The following PLEKHA7 variants were observed in gnomAD, a reference collection of about 807,000 sequenced individuals.
PLEKHA7 encodes pleckstrin homology domain containing A7, also known as pleckstrin homology domain-containing family A member 7.
In PLEKHA7, 104 loss-of-function variants were observed where a neutral mutation model predicts 170.0. The ratio of observed to expected loss-of-function variants is 0.61; its 90% CI spans 0.52 to 0.72. PLEKHA7 has a LOEUF of 0.72. PLEKHA7 is among the 30% of genes least tolerant of loss of function. The pLI is 0.00. For missense variants in PLEKHA7, 1,615 were observed against 1,671.7 expected (o/e 0.97, Z 0.59); for synonymous variants, 648 against 660.8 (o/e 0.98, Z 0.30).
intron 3 of PLEKHA7, among the ~76,000 whole-genome samples, chr11:16,905,568 T>C (rs1857604606): frequency 6.6e-6 from 1 of 152,186 alleles, no homozygotes; most frequent in African/African-American, 2.4e-5. Context: ...AATGAGGCCC[T>C]CTGGGGTGGA....
At chr11:16,830,627 G>A (rs920145913) in intron 9 of PLEKHA7, among the ~76,000 whole-genome samples, 1 of 152,216 alleles carries the variant, frequency 6.6e-6, no homozygotes, top group African/African-American at 2.4e-5. Flanking sequence ...CCCAAAGATT[G>A]TGGGCACAAT....
At position 16,777,836 on chromosome 11, in the gene PLEKHA7, G is replaced by T. The variant is rs964116367; in HGVS notation, c.*1162C>A. 2 of 152,260 alleles carry T rather than the reference G, an allele frequency of 1.3e-5. No individual in the cohort carries two copies. The highest frequency in any genetic ancestry group is 4.8e-5 in the African/African-American group (2 of 41,454). The allele number at this position is 152,260 out of a possible 1,614,324, so 9.4% of individuals were successfully genotyped here. Reference sequence around the variant, plus strand: ...GAAGCCAATCCGGGGTTCTCCAAGGGCAGGCAGCAAAGGTTCCCATCATGG... The same window carrying T: ...GAAGCCAATCCGGGGTTCTCCAAGGTCAGGCAGCAAAGGTTCCCATCATGG... On this transcript the variant is annotated 3_prime_UTR_variant, in exon 27 of 27. Coordinates refer to ENST00000531066, the MANE Select transcript of PLEKHA7 (RefSeq NM_001329630.2).
intron 13 of PLEKHA7, among the ~76,000 whole-genome samples, chr11:16,805,789 C>CAAAAAAAAAAAAAAAAACAAAAAA (rs1848932799): frequency 9.0e-6 from 1 of 111,222 alleles, no homozygotes; most frequent in Non-Finnish European, 1.9e-5. Context: ...GACTCCATGT[C>CAAAAAAAAAAAAAAAAACAAAAAA]AAAAAAAAAA....
intron 9 of PLEKHA7, among the ~76,000 whole-genome samples, chr11:16,827,673 C>T (rs948249623): frequency 6.6e-6 from 1 of 152,134 alleles, no homozygotes; most frequent in African/African-American, 2.4e-5. Flanking sequence ...GCATCCTGAT[C>T]ACCTGGCACC....
intron 3 of PLEKHA7, among the ~76,000 whole-genome samples, chr11:16,988,550 G>A (rs1159921609): frequency 4.6e-5 from 7 of 152,084 alleles, no homozygotes; most frequent in African/African-American, 1.7e-4. Context: ...GGGTTCAAGC[G>A]ATTCTCCTGC....
At chr11:17,006,302 TG>T (rs1485617961) in intron 3 of PLEKHA7, among the ~76,000 whole-genome samples, 1 of 145,036 alleles carries the variant, frequency 6.9e-6, no homozygotes, top group African/African-American at 2.6e-5. Flanking sequence ...CACTCCAGCC[TG>T]GGCAACAAGA....
intron 9 of PLEKHA7, among the ~76,000 whole-genome samples, chr11:16,835,655 A>G (rs1352637367): frequency 6.6e-6 from 1 of 152,214 alleles, no homozygotes; most frequent in Non-Finnish European, 1.5e-5. Context: ...CCTTGTAGCA[A>G]GCCTATGAAC....
chr11:16,798,017 C>T (rs1215065678), intron 17 of PLEKHA7, among the ~76,000 whole-genome samples: 1 of 152,214 alleles, frequency 6.6e-6, no homozygotes, highest in Non-Finnish European at 1.5e-5. Flanking sequence ...TTCATTCCTG[C>T]CTCCTCCCAC....
chr11:16,954,963 T>C (rs1372093071), intron 3 of PLEKHA7, among the ~76,000 whole-genome samples: 1 of 152,216 alleles, frequency 6.6e-6, no homozygotes, highest in Non-Finnish European at 1.5e-5. Context: ...GTGCTGGGAT[T>C]ACAGGCATGA....
intron 3 of PLEKHA7, among the ~76,000 whole-genome samples, chr11:16,948,215 T>C (rs1179380254): frequency 6.6e-6 from 1 of 152,138 alleles, no homozygotes; most frequent in African/African-American, 2.4e-5. Flanking sequence ...GGTTACATAA[T>C]TTTAGTTAGG....
intron 3 of PLEKHA7, chr11:17,013,449 G>C (rs917998559): frequency 6.5e-6 from 1 of 153,188 alleles, no homozygotes; most frequent in African/African-American, 2.4e-5. Context: ...CCTCCCCGCA[G>C]GCCCGCGCAG....
At chr11:16,981,541 C>CT (rs1863427466) in intron 3 of PLEKHA7, among the ~76,000 whole-genome samples, 1 of 152,140 alleles carries the variant, frequency 6.6e-6, no homozygotes, top group South Asian at 2.1e-4. Flanking sequence ...CCTACCCTCT[C>CT]CCTTTCTCTC....
intron 4 of PLEKHA7, among the ~76,000 whole-genome samples, chr11:16,861,253 A>AT (rs1184447981): frequency 2.6e-5 from 4 of 152,102 alleles, no homozygotes; most frequent in African/African-American, 9.7e-5. Context: ...GGCTAGGAAC[A>AT]GAGGCTCCAT....
At chr11:16,826,000 T>C (rs1850607125) in intron 10 of PLEKHA7, 120 bp downstream of exon 10, 3 of 1,002,102 alleles carry the variant, frequency 3.0e-6, no homozygotes, top group Non-Finnish European at 3.0e-6. Context: ...GGGATTTACG[T>C]AGGTAATGGC....
At chr11:16,837,853 G>T (rs772505284) in intron 9 of PLEKHA7, among the ~76,000 whole-genome samples, 26 of 152,072 alleles carry the variant, frequency 1.7e-4, no homozygotes, top group Non-Finnish European at 3.5e-4. Flanking sequence ...GAAAGTCCAC[G>T]ATGGGGAGGA....
chr11:16,853,371 T>C (rs989189143), intron 6 of PLEKHA7, among the ~76,000 whole-genome samples: 1 of 152,250 alleles, frequency 6.6e-6, no homozygotes, highest in Non-Finnish European at 1.5e-5. Flanking sequence ...ACTATTTATC[T>C]GTTTCATCTT....
At chr11:17,003,353 C>A (rs1403146255) in intron 3 of PLEKHA7, among the ~76,000 whole-genome samples, 1 of 152,148 alleles carries the variant, frequency 6.6e-6, no homozygotes, top group African/African-American at 2.4e-5. Context: ...AGTTTGCATG[C>A]CCCTGACTCC....
intron 3 of PLEKHA7, among the ~76,000 whole-genome samples, chr11:16,965,288 G>A (rs536873433): frequency 4.6e-4 from 70 of 151,838 alleles, no homozygotes; most frequent in Admixed American, 7.2e-4. Context: ...ACACCACTGC[G>A]CTCTAGCCTG....
At chr11:16,965,795 A>G (rs1862337139) in intron 3 of PLEKHA7, among the ~76,000 whole-genome samples, 1 of 152,228 alleles carries the variant, frequency 6.6e-6, no homozygotes, top group Admixed American at 6.5e-5. Context: ...CTAAGTATCT[A>G]TGTCAGTGAG....
Sources: allele counts gnomAD v4.1 joint callset (sites outside exome capture counted in the v4.1 genomes callset), GRCh38; gene constraint gnomAD v4.1.1; transcripts MANE v1.5; gene names NCBI Gene and HGNC (gene_info 2026-07-23, HGNC 2026-07-21).